The following ANKS1B variants were observed in gnomAD, a reference collection of about 807,000 sequenced individuals.
ANKS1B encodes the protein ankyrin repeat and sterile alpha motif domain-containing protein 1B.
In ANKS1B, 36 loss-of-function variants were observed where a neutral mutation model predicts 148.3. The observed-to-expected ratio is 0.24, with a 90% CI of 0.19 to 0.32. The LOEUF is 0.32. ANKS1B is among the 10% of genes least tolerant of loss of function. The pLI, the probability that ANKS1B is intolerant of heterozygous loss-of-function variation, is 1.00. For missense variants in ANKS1B, 1,157 were observed against 1,542.6 expected (o/e 0.75, Z 4.19); for synonymous variants, 542 against 560.8 (o/e 0.97, Z 0.47).
chr12:99,465,093 C>G lies in ANKS1B; in HGVS notation c.1439-21284G>C, dbSNP rs553841091. On this transcript the variant is annotated intron_variant, in intron 10 of 26. Transcript: ENST00000683438. ...AGCCCATCAGACTAACAGCTGAACT[C>G]TCTGCAGAAACTCTACAAGCCAGAA... is the stretch of plus-strand genomic sequence containing the variant. Among the ~76,000 whole-genome samples the G allele has an allele frequency of 2.2e-4, 33 of 152,354 alleles. No individual in the cohort carries two copies. The East Asian group carries it at 6.0e-3, about 28-fold the overall frequency.
chr12:99,029,363 C>T (rs1241647837), intron 17 of ANKS1B, among the ~76,000 whole-genome samples: 1 of 152,066 alleles, frequency 6.6e-6, no homozygotes, highest in Non-Finnish European at 1.5e-5. Flanking sequence ...TTTTTCCCAC[C>T]CTGAGCCACA....
chr12:99,882,254 AG>A (rs2092557332), intron 1 of ANKS1B, among the ~76,000 whole-genome samples: 1 of 892 alleles, frequency 1.1e-3, no homozygotes, highest in Admixed American at 8.1e-3. Context: ...AAAATAAATA[AG>A]AGCCTCAGGA....
chr12:99,532,539 T>C (rs535057580), intron 9 of ANKS1B, among the ~76,000 whole-genome samples: 3 of 152,240 alleles, frequency 2.0e-5, no homozygotes, highest in Non-Finnish European at 4.4e-5. Flanking sequence ...TTTTTGCATT[T>C]TTAGTACAGA....
intron 14 of ANKS1B, among the ~76,000 whole-genome samples, chr12:99,167,673 A>T (rs1000443528): frequency 2.0e-5 from 3 of 152,188 alleles, no homozygotes; most frequent in Non-Finnish European, 4.4e-5. Context: ...CATCCACTAG[A>T]TGACCCAGCC....
chr12:99,032,205 A>G (rs1178968419), intron 17 of ANKS1B, among the ~76,000 whole-genome samples: 1 of 152,204 alleles, frequency 6.6e-6, no homozygotes, highest in East Asian at 1.9e-4. Flanking sequence ...AACAAATACT[A>G]GGTTATAACA....
intron 17 of ANKS1B, among the ~76,000 whole-genome samples, chr12:98,869,742 G>A (rs2099643766): frequency 6.6e-6 from 1 of 151,456 alleles, no homozygotes; most frequent in Non-Finnish European, 1.5e-5. Flanking sequence ...TTAACATTTA[G>A]ATGTTAATGT....
intron 2 of ANKS1B, among the ~76,000 whole-genome samples, chr12:99,814,139 G>A (rs2068792648): frequency 1.3e-5 from 2 of 151,670 alleles, no homozygotes; most frequent in South Asian, 4.2e-4. Flanking sequence ...TGTGTGACAG[G>A]CTATATCACT....
intron 25 of ANKS1B, among the ~76,000 whole-genome samples, chr12:98,752,678 G>C (rs2098125615): frequency 6.6e-6 from 1 of 152,122 alleles, no homozygotes; most frequent in African/African-American, 2.4e-5. Flanking sequence ...GGAGGAGCAG[G>C]CCCCACAGCC....
At chr12:99,282,368 AC>A (rs757024845) in intron 12 of ANKS1B, among the ~76,000 whole-genome samples, 1 of 152,164 alleles carries the variant, frequency 6.6e-6, no homozygotes, top group Non-Finnish European at 1.5e-5. Context: ...GCATAGGACT[AC>A]CTCATGTAAA....
chr12:99,674,439 A>C (rs1410622868), intron 8 of ANKS1B, among the ~76,000 whole-genome samples: 1 of 151,860 alleles, frequency 6.6e-6, no homozygotes, highest in Non-Finnish European at 1.5e-5. Context: ...CTATAAAATA[A>C]AAGAAAGAAG....
intron 15 of ANKS1B, among the ~76,000 whole-genome samples, chr12:99,098,627 T>TTTTC (rs2057012642): frequency 9.3e-6 from 1 of 107,186 alleles, no homozygotes; most frequent in African/African-American, 4.4e-5. Flanking sequence ...TACTTTTTTT[T>TTTTC]TTTTTTTTTT....
chr12:99,263,408 T>G (rs1184489036), intron 12 of ANKS1B, among the ~76,000 whole-genome samples: 1 of 151,856 alleles, frequency 6.6e-6, no homozygotes, highest in African/African-American at 2.4e-5. Context: ...ACAACAATAT[T>G]GAGAACAATT....
At chr12:99,475,296 T>C (rs867332204) in intron 10 of ANKS1B, among the ~76,000 whole-genome samples, 10 of 146,690 alleles carry the variant, frequency 6.8e-5, no homozygotes, top group African/African-American at 2.5e-4. Flanking sequence ...TAAAGTAAAA[T>C]ATATTAAAAT....
intron 9 of ANKS1B, among the ~76,000 whole-genome samples, chr12:99,519,969 T>A (rs1056057225): frequency 6.6e-6 from 1 of 152,198 alleles, no homozygotes; most frequent in Admixed American, 6.5e-5. Flanking sequence ...TTTAACTTTG[T>A]CTGCCTGCTT....
intron 9 of ANKS1B, among the ~76,000 whole-genome samples, chr12:99,508,122 G>A (rs1350087923): frequency 1.3e-5 from 2 of 151,778 alleles, no homozygotes; most frequent in African/African-American, 2.4e-5. Flanking sequence ...TCTCAATCAA[G>A]ATTATGTTTC....
intron 14 of ANKS1B, among the ~76,000 whole-genome samples, chr12:99,164,370 C>A (rs1027925229): frequency 1.3e-5 from 2 of 152,006 alleles, no homozygotes; most frequent in Admixed American, 6.6e-5. Flanking sequence ...GACAATCATG[C>A]TTGATTTTAT....
At chr12:99,668,275 A>G (rs775592882) in intron 8 of ANKS1B, among the ~76,000 whole-genome samples, 1 of 151,934 alleles carries the variant, frequency 6.6e-6, no homozygotes, top group Non-Finnish European at 1.5e-5. Flanking sequence ...AAAGTTATTC[A>G]TATTGTTCCT....
At chr12:98,925,923 A>C (rs1357343233) in intron 17 of ANKS1B, among the ~76,000 whole-genome samples, 1 of 152,192 alleles carries the variant, frequency 6.6e-6, no homozygotes, top group Non-Finnish European at 1.5e-5. Flanking sequence ...CTTTCAGAAT[A>C]GTGACACTAA....
rs554332302 is a variant in ANKS1B, at chr12:99,102,111, C to A, written c.2527-17088G>T. ...AATGAGGAAAAGAGGGAGAGTGTGT[C>A]GTGTCAGATGCCAAGAGGGTAACGA... is the stretch of plus-strand genomic sequence containing the variant. On this transcript the variant is annotated intron_variant, in intron 15 of 26. Coordinates refer to ENST00000683438, the MANE Select transcript of ANKS1B (RefSeq NM_001352186.2). Among the ~76,000 whole-genome samples, 3 of 152,128 alleles carry A rather than the reference C, an allele frequency of 2.0e-5. No homozygotes were observed. The East Asian group carries it at 5.8e-4, about 29-fold the overall frequency.
Sources: allele counts gnomAD v4.1 joint callset (sites outside exome capture counted in the v4.1 genomes callset), GRCh38; gene constraint gnomAD v4.1.1; transcripts MANE v1.5; gene names NCBI Gene and HGNC (gene_info 2026-07-23, HGNC 2026-07-21).